Variants in DLG2 observed in about 807,000 individuals in gnomAD.
DLG2 encodes disks large homolog 2.
In DLG2, 45 loss-of-function variants were observed where a neutral mutation model predicts 132.5. The observed-to-expected ratio is 0.34, with a 90% CI of 0.27 to 0.44. The LOEUF is 0.44. DLG2 is among the 20% of genes least tolerant of loss of function. The pLI, the probability that DLG2 is intolerant of heterozygous loss-of-function variation, is 1.00. For synonymous variants in DLG2, 424 were observed against 419.6 expected, an observed-to-expected ratio of 1.01 and a Z score of -0.13; for missense variants, 1,045 against 1,196.9, an observed-to-expected ratio of 0.87 and a Z score of 1.87.
chr11:84,659,392 T>C (rs1330467812), intron 6 of DLG2, among the ~76,000 whole-genome samples: 1 of 152,164 alleles, frequency 6.6e-6, no homozygotes, highest in Non-Finnish European at 1.5e-5. Flanking sequence ...AGGTCTAGAC[T>C]GGAATGTCAT....
intron 17 of DLG2, among the ~76,000 whole-genome samples, chr11:83,794,834 A>C (rs946611226): frequency 6.6e-6 from 1 of 152,128 alleles, no homozygotes; most frequent in Non-Finnish European, 1.5e-5. Context: ...ACTGTAATTT[A>C]ATATCCTGTC....
chr11:85,189,553 A>G (rs1298683543), intron 4 of DLG2, among the ~76,000 whole-genome samples: 1 of 152,220 alleles, frequency 6.6e-6, no homozygotes, highest in Non-Finnish European at 1.5e-5. Flanking sequence ...AAACTATAGC[A>G]ATGAGGAAGA....
At chr11:84,059,508 G>C in intron 10 of DLG2, 24 bp from the exon 11 acceptor site, 8 of 1,524,854 alleles carry the variant, frequency 5.2e-6, no homozygotes, top group East Asian at 2.5e-5. Flanking sequence ...AAAGAGTCAA[G>C]ATTCAGAAGT....
In DLG2 at chr11:85,078,352, C is replaced by A. The variant is rs998372782; in HGVS notation, c.357+33309G>T. ...ATCTGACCTGAAGGAAGTGAGCGAACTAGTTATGTGAAAATCTGAAAGAAC... is the reference window on the plus strand; with the variant it reads ...ATCTGACCTGAAGGAAGTGAGCGAAATAGTTATGTGAAAATCTGAAAGAAC... On this transcript the variant is annotated intron_variant, in intron 6 of 27. Transcript: ENST00000376104. Among the ~76,000 whole-genome samples, 4 of 151,414 alleles carry A rather than the reference C, an allele frequency of 2.6e-5. No homozygotes were observed. In the South Asian group the frequency reaches 6.3e-4, roughly 24 times the overall value.
At chr11:84,624,003 T>C (rs1041288716) in intron 6 of DLG2, among the ~76,000 whole-genome samples, 2 of 152,228 alleles carry the variant, frequency 1.3e-5, no homozygotes, top group Non-Finnish European at 2.9e-5. Context: ...ACATAATATG[T>C]ACTCAGGGAT....
At chr11:84,550,627 C>T (rs2099400017) in intron 6 of DLG2, among the ~76,000 whole-genome samples, 1 of 152,170 alleles carries the variant, frequency 6.6e-6, no homozygotes, top group African/African-American at 2.4e-5. Flanking sequence ...AGAATATCTC[C>T]TGGATGATCT....
At chr11:84,748,769 T>G (rs2065724202) in intron 6 of DLG2, among the ~76,000 whole-genome samples, 2 of 152,160 alleles carry the variant, frequency 1.3e-5, no homozygotes, top group Non-Finnish European at 2.9e-5. Context: ...TAACTCATTG[T>G]TCTCTCTTTT....
chr11:84,131,908 C>T (rs2094437667), intron 9 of DLG2, among the ~76,000 whole-genome samples: 2 of 151,354 alleles, frequency 1.3e-5, no homozygotes, highest in African/African-American at 2.4e-5. Flanking sequence ...ATGTTTCTGG[C>T]CATATATGTA....
chr11:84,899,273 G>T (rs933598613), intron 6 of DLG2, among the ~76,000 whole-genome samples: 6 of 152,058 alleles, frequency 3.9e-5, no homozygotes, highest in African/African-American at 1.4e-4. Flanking sequence ...TTTGAGGAAG[G>T]TTTGCTGAAG....
intron 6 of DLG2, among the ~76,000 whole-genome samples, chr11:84,615,552 TG>T (rs2099602426): frequency 6.6e-6 from 1 of 152,024 alleles, no homozygotes. Flanking sequence ...TAACAATGAT[TG>T]GACACAGTCC....
At chr11:85,161,878 T>C (rs902720939) in intron 4 of DLG2, among the ~76,000 whole-genome samples, 1 of 152,082 alleles carries the variant, frequency 6.6e-6, no homozygotes, top group Non-Finnish European at 1.5e-5. Context: ...TGCTACTATT[T>C]CTCCCATAGC....
At chr11:85,378,141 G>C (rs1422510956) in intron 3 of DLG2, among the ~76,000 whole-genome samples, 1 of 152,020 alleles carries the variant, frequency 6.6e-6, no homozygotes, top group East Asian at 1.9e-4. Context: ...GGAAAATATT[G>C]TCTTTTTTCT....
chr11:85,523,913 G>A (rs941047245), intron 3 of DLG2, among the ~76,000 whole-genome samples: 4 of 152,128 alleles, frequency 2.6e-5, no homozygotes, highest in African/African-American at 9.7e-5. Context: ...AAAAAAGAAT[G>A]AGATCATGTC....
chr11:85,502,086 C>T (rs1021883287), intron 3 of DLG2, among the ~76,000 whole-genome samples: 24 of 152,030 alleles, frequency 1.6e-4, no homozygotes, highest in Non-Finnish European at 3.1e-4. Context: ...TACTATGCAG[C>T]CATAAAAAAG....
intron 6 of DLG2, among the ~76,000 whole-genome samples, chr11:85,064,350 T>C (rs2064557588): frequency 6.6e-6 from 1 of 151,918 alleles, no homozygotes; most frequent in African/African-American, 2.4e-5. Flanking sequence ...AATGCACATT[T>C]GCCTATATAT....
chr11:84,858,151 C>T (rs796067299), intron 6 of DLG2, among the ~76,000 whole-genome samples: 121 of 152,182 alleles, frequency 8.0e-4, no homozygotes, highest in African/African-American at 2.8e-3. Context: ...CCTCAGCCTC[C>T]TAAAGTGCTG....
intron 3 of DLG2, among the ~76,000 whole-genome samples, chr11:85,305,849 A>G (rs2079906518): frequency 1.3e-5 from 2 of 152,314 alleles, no homozygotes; most frequent in African/African-American, 4.8e-5. Flanking sequence ...GGAAAACACA[A>G]AAATGTTTGT....
intron 3 of DLG2, among the ~76,000 whole-genome samples, chr11:85,449,926 G>T (rs1215797303): frequency 6.6e-6 from 1 of 151,894 alleles, no homozygotes; most frequent in Non-Finnish European, 1.5e-5. Context: ...TCGGGAGTTC[G>T]AGACCAGCCT....
At chr11:84,707,193 A>G (rs2059876083) in intron 6 of DLG2, among the ~76,000 whole-genome samples, 2 of 151,838 alleles carry the variant, frequency 1.3e-5, no homozygotes, top group Admixed American at 6.6e-5. Flanking sequence ...GAATACTAGT[A>G]GAATGCTGAT....
Sources: allele counts gnomAD v4.1 joint callset (sites outside exome capture counted in the v4.1 genomes callset), GRCh38; gene constraint gnomAD v4.1.1; transcripts MANE v1.5; gene names NCBI Gene and HGNC (gene_info 2026-07-23, HGNC 2026-07-21).